PID1: variants seen among roughly 807,000 people sequenced by gnomAD.
PID1 encodes the protein phosphotyrosine interaction domain containing 1, also known as PTB-containing, cubilin and LRP1-interacting protein.
PID1 carries 10 observed loss-of-function variants against 19.1 expected under a neutral mutation model. The ratio of observed to expected loss-of-function variants is 0.52; its 90% confidence interval spans 0.32 to 0.89. The LOEUF is 0.89. Ranked by LOEUF, PID1 falls within the 40% of genes least tolerant of loss-of-function variation. PID1 has a pLI of 0.03. For synonymous variants in PID1, 130 were observed against 116.0 expected (o/e 1.12, Z -0.78); for missense variants, 248 against 285.3 (o/e 0.87, Z 0.94).
intron 2 of PID1, among the ~76,000 whole-genome samples, chr2:229,055,836 A>T (rs1009763226): frequency 2.4e-4 from 37 of 152,332 alleles, no homozygotes; most frequent in African/African-American, 8.7e-4. Flanking sequence ...TAGTGCTTTA[A>T]AAGTTTCCAA....
At chr2:229,061,617 G>A (rs925343469) in intron 2 of PID1, among the ~76,000 whole-genome samples, 6 of 151,618 alleles carry the variant, frequency 4.0e-5, no homozygotes, top group African/African-American at 1.2e-4. Flanking sequence ...ATGAATTTTA[G>A]GATTATATTT....
At chr2:229,191,097 C>G (rs1166220545) in intron 1 of PID1, among the ~76,000 whole-genome samples, 1 of 152,128 alleles carries the variant, frequency 6.6e-6, no homozygotes, top group African/African-American at 2.4e-5. Context: ...AGCCTCAGTA[C>G]TACTGAAATT....
At chr2:229,076,986 G>C (rs1694571589) in intron 2 of PID1, among the ~76,000 whole-genome samples, 1 of 152,178 alleles carries the variant, frequency 6.6e-6, no homozygotes, top group Non-Finnish European at 1.5e-5. Flanking sequence ...CTTCCACAAT[G>C]GTTGAACTCA....
Position 229,170,800 on chromosome 2 carries a change from T to C in PID1, c.31-14836A>G, listed in dbSNP as rs1012060825. On this transcript the variant is annotated intron_variant, in intron 1 of 2. Transcript: ENST00000392055. ...AAACACAAAGCAACCTCTGAAAACC[T>C]GCCCAAACCAAGTGCAGAGGGAGAA... Among the ~76,000 whole-genome samples the C allele has an allele frequency of 5.3e-5, 8 of 152,194 alleles. 1 individual carries two copies. Among genetic ancestry groups the C allele is most frequent in the Non-Finnish European group, 4.4e-5 (3 of 68,038 alleles).
At chr2:229,225,633 T>C (rs1692062013) in intron 1 of PID1, among the ~76,000 whole-genome samples, 1 of 152,086 alleles carries the variant, frequency 6.6e-6, no homozygotes, top group African/African-American at 2.4e-5. Flanking sequence ...CCCATGCTGC[T>C]AATAAAGACA....
intron 2 of PID1, among the ~76,000 whole-genome samples, chr2:229,134,264 T>C (rs1373441808): frequency 6.9e-6 from 1 of 145,526 alleles, no homozygotes; most frequent in Non-Finnish European, 1.5e-5. Context: ...AGACAGAGTC[T>C]TGCACTGTCA....
intron 2 of PID1, among the ~76,000 whole-genome samples, chr2:229,124,210 A>G (rs1374519819): frequency 6.6e-6 from 1 of 152,204 alleles, no homozygotes; most frequent in East Asian, 1.9e-4. Flanking sequence ...GAGTTTCAAA[A>G]GGGAAGTTAG....
At chr2:229,225,282 T>C (rs1692053679) in intron 1 of PID1, among the ~76,000 whole-genome samples, 1 of 152,136 alleles carries the variant, frequency 6.6e-6, no homozygotes. Context: ...ACGGAAGTAT[T>C]TAGCAGCCTG....
At chr2:229,181,427 T>C (rs1446645989) in intron 1 of PID1, among the ~76,000 whole-genome samples, 1 of 152,010 alleles carries the variant, frequency 6.6e-6, no homozygotes, top group African/African-American at 2.4e-5. Flanking sequence ...AACTATACTA[T>C]ATTCTGCAGG....
At chr2:229,210,287 T>C (rs1691700160) in intron 1 of PID1, among the ~76,000 whole-genome samples, 1 of 151,180 alleles carries the variant, frequency 6.6e-6, no homozygotes, top group South Asian at 2.1e-4. Flanking sequence ...CCGAGGCAGG[T>C]GGATCACGAG....
chr2:229,066,758 T>A (rs1694335373), intron 2 of PID1, among the ~76,000 whole-genome samples: 1 of 151,782 alleles, frequency 6.6e-6, no homozygotes, highest in African/African-American at 2.4e-5. Flanking sequence ...ATAATCCCCC[T>A]CCATTAAGAA....
chr2:229,066,525 C>G (rs1363487782), intron 2 of PID1, among the ~76,000 whole-genome samples: 1 of 152,044 alleles, frequency 6.6e-6, no homozygotes, highest in Non-Finnish European at 1.5e-5. Context: ...GGGAATATAA[C>G]AATAACTTCC....
intron 1 of PID1, among the ~76,000 whole-genome samples, chr2:229,209,320 C>A (rs1691676767): frequency 6.6e-6 from 1 of 152,112 alleles, no homozygotes; most frequent in African/African-American, 2.4e-5. Flanking sequence ...TTTGTGGGCA[C>A]TCATCTGGGC....
At position 229,024,376 on chromosome 2, in the gene PID1, A is replaced by G. The variant is rs1218029314; in HGVS notation, c.*1256T>C. On this transcript the variant is annotated 3_prime_UTR_variant, in exon 3 of 3. Coordinates refer to ENST00000392055, the MANE Select transcript of PID1 (RefSeq NM_001100818.2). ...CCAATGTGTGTATTTTAACAAATAC[A>G]ATTTCATTCTATGTTGACTCTGTGT... 1 of 152,506 alleles carries G rather than the reference A, an allele frequency of 6.6e-6. No homozygotes were observed. The highest frequency in any genetic ancestry group is 1.5e-5 in the Non-Finnish European group (1 of 68,030). The allele number at this position is 152,506 out of a possible 1,614,324, so 9.4% of individuals were successfully genotyped here.
At chr2:229,151,865 C>G (rs912102964) in intron 2 of PID1, among the ~76,000 whole-genome samples, 4 of 152,144 alleles carry the variant, frequency 2.6e-5, no homozygotes, top group African/African-American at 9.7e-5. Context: ...CCACCGCGCC[C>G]AGCTATTTTT....
At chr2:229,185,978 A>C (rs1691120325) in intron 1 of PID1, among the ~76,000 whole-genome samples, 1 of 152,186 alleles carries the variant, frequency 6.6e-6, no homozygotes, top group Non-Finnish European at 1.5e-5. Context: ...GTAAAATCAA[A>C]AGCAAGTTAG....
intron 2 of PID1, among the ~76,000 whole-genome samples, chr2:229,134,414 T>G (rs1689815630): frequency 6.6e-6 from 1 of 151,252 alleles, no homozygotes; most frequent in Non-Finnish European, 1.5e-5. Flanking sequence ...TTTTTTTTTT[T>G]TGTATTTTTA....
At chr2:229,078,101 T>G (rs1694597841) in intron 2 of PID1, among the ~76,000 whole-genome samples, 1 of 152,204 alleles carries the variant, frequency 6.6e-6, no homozygotes, top group South Asian at 2.1e-4. Flanking sequence ...TAGTTCTCCT[T>G]GAAGGGGACC....
intron 2 of PID1, among the ~76,000 whole-genome samples, chr2:229,058,622 A>G (rs1694150535): frequency 6.6e-6 from 1 of 151,796 alleles, no homozygotes; most frequent in African/African-American, 2.4e-5. Flanking sequence ...TTTTTATTCA[A>G]CCTCAGCGTC....
Sources: allele counts gnomAD v4.1 joint callset (sites outside exome capture counted in the v4.1 genomes callset), GRCh38; gene constraint gnomAD v4.1.1; transcripts MANE v1.5; gene names NCBI Gene and HGNC (gene_info 2026-07-23, HGNC 2026-07-21).